OPCML: variants seen among roughly 807,000 people sequenced by gnomAD.
OPCML encodes the protein opioid-binding protein/cell adhesion molecule.
In OPCML, 13 loss-of-function variants were observed where a neutral mutation model predicts 37.8. That is an observed-to-expected ratio of 0.34 (90% CI 0.22 to 0.55). The LOEUF (loss-of-function observed/expected upper bound fraction) is 0.55, where lower values mean the gene tolerates loss of function less well. OPCML is among the 20% of genes least tolerant of loss of function. The pLI is 0.91. For missense variants in OPCML, 341 were observed against 435.6 expected, an observed-to-expected ratio of 0.78 and a Z score of 1.93; for synonymous variants, 176 against 168.8, an observed-to-expected ratio of 1.04 and a Z score of -0.33.
chr11:133,524,487 T>C (rs1449280345), intron 1 of OPCML, among the ~76,000 whole-genome samples: 1 of 152,214 alleles, frequency 6.6e-6, no homozygotes, highest in African/African-American at 2.4e-5. Flanking sequence ...GTTAGCACCA[T>C]GGGCCTGACT....
intron 3 of OPCML, among the ~76,000 whole-genome samples, chr11:132,603,165 G>C (rs1344524632): frequency 1.3e-5 from 2 of 152,102 alleles, no homozygotes; most frequent in Non-Finnish European, 2.9e-5. Flanking sequence ...TCCTAAATCT[G>C]TATGTCCAGC....
chr11:133,250,636 G>C (rs1941100456), intron 1 of OPCML, among the ~76,000 whole-genome samples: 1 of 152,150 alleles, frequency 6.6e-6, no homozygotes, highest in Admixed American at 6.5e-5. Context: ...GTGACAATGA[G>C]TGAAGAGAGT....
intron 2 of OPCML, among the ~76,000 whole-genome samples, chr11:132,787,872 G>A (rs1404686000): frequency 6.6e-6 from 1 of 152,046 alleles, no homozygotes; most frequent in Non-Finnish European, 1.5e-5. Flanking sequence ...CACATTTCCA[G>A]TTAATGATTT....
At chr11:132,780,331 G>A (rs1946962220) in intron 2 of OPCML, among the ~76,000 whole-genome samples, 1 of 152,238 alleles carries the variant, frequency 6.6e-6, no homozygotes, top group South Asian at 2.1e-4. Context: ...CGCATCAGTA[G>A]TGCCAACGGT....
chr11:133,025,936 T>C lies in OPCML; in HGVS notation c.62-82926A>G, dbSNP rs545279510. On this transcript the variant is annotated intron_variant, in intron 1 of 7. Transcript: ENST00000524381. ...TTTTGGTAGAGATGGGGTTTCACCA[T>C]GTTGGCCAGCGTGGTCTCGAACTCC... 22 of 297,040 alleles carry C rather than the reference T, an allele frequency of 7.4e-5. No homozygotes were observed. In the Admixed American group the frequency reaches 8.4e-4, roughly 11 times the overall value. 18.4% of individuals were successfully genotyped at this position (297,040 alleles called of 1,614,324 possible). A position where few individuals can be genotyped will look rare whatever the true frequency, so the allele number is the denominator to read the frequency against.
chr11:132,557,422 G>A (rs10894578), intron 3 of OPCML, among the ~76,000 whole-genome samples: 99,389 of 152,072 alleles, frequency 0.65, 33,152 homozygotes, highest in East Asian at 0.85. Context: ...GCAGTTGGAA[G>A]GGGAGAAGCC....
intron 3 of OPCML, among the ~76,000 whole-genome samples, chr11:132,641,298 G>A (rs959938828): frequency 1.3e-5 from 2 of 152,294 alleles, no homozygotes; most frequent in Middle Eastern, 6.8e-3. Context: ...TTGAGGAAAG[G>A]CACTGAGAGG....
chr11:133,233,326 C>T (rs555536270), intron 1 of OPCML, among the ~76,000 whole-genome samples: 1 of 152,060 alleles, frequency 6.6e-6, no homozygotes, highest in African/African-American at 2.4e-5. Context: ...CTGAAGGAAA[C>T]TGGGAAACAT....
At chr11:133,093,242 C>A (rs757245586) in intron 1 of OPCML, among the ~76,000 whole-genome samples, 1 of 151,402 alleles carries the variant, frequency 6.6e-6, no homozygotes, top group South Asian at 2.1e-4. Flanking sequence ...CTTTCCCCTG[C>A]GTCCCCCAAA....
chr11:133,057,948 A>G (rs1427120295), intron 1 of OPCML, among the ~76,000 whole-genome samples: 1 of 152,238 alleles, frequency 6.6e-6, no homozygotes, highest in Non-Finnish European at 1.5e-5. Context: ...TTTAGAACAC[A>G]TCATAATATA....
intron 1 of OPCML, among the ~76,000 whole-genome samples, chr11:133,264,850 CTAAG>C (rs1182516770): frequency 6.6e-6 from 1 of 152,008 alleles, no homozygotes; most frequent in East Asian, 1.9e-4. Context: ...ATTAAATAAA[CTAAG>C]TACTTTCGGA....
chr11:132,439,028 G>A lies in OPCML; in HGVS notation c.506-1669C>T, dbSNP rs758437982. On this transcript the variant is annotated intron_variant, in intron 4 of 7. Transcript: ENST00000524381. ...AGAAATGTCACTGCAAATCAGCACC[G>A]TTCTGTTAGTCCAATCTGTGCAATT... Among the ~76,000 whole-genome samples the A allele has an allele frequency of 1.4e-4, 21 of 152,260 alleles. No homozygotes were observed. In the South Asian group the frequency reaches 1.7e-3, roughly 12 times the overall value.
rs534137173 is a variant in OPCML, at chr11:132,805,797, G to T, written c.146+137129C>A. Among the ~76,000 whole-genome samples, 3 of 152,188 alleles carry T rather than the reference G, an allele frequency of 2.0e-5. No homozygotes were observed. In the South Asian group the frequency reaches 6.2e-4, roughly 31 times the overall value. ...GATATTTCTCAATTCAAAGGAAAATGATGCCAGATGGAAACTCAGATCTAT... is the reference window on the plus strand; with the variant it reads ...GATATTTCTCAATTCAAAGGAAAATTATGCCAGATGGAAACTCAGATCTAT... On this transcript the variant is annotated intron_variant, in intron 2 of 7. Coordinates refer to ENST00000524381, the MANE Select transcript of OPCML (RefSeq NM_001012393.5).
intron 2 of OPCML, among the ~76,000 whole-genome samples, chr11:132,815,910 A>G (rs761384000): frequency 1.2e-4 from 18 of 152,248 alleles, no homozygotes; most frequent in Non-Finnish European, 1.6e-4. Context: ...AGAGATGTGC[A>G]CAAGGAAGAT....
At chr11:133,217,063 C>A (rs1438107692) in intron 1 of OPCML, among the ~76,000 whole-genome samples, 1 of 152,054 alleles carries the variant, frequency 6.6e-6, no homozygotes, top group Admixed American at 6.6e-5. Flanking sequence ...GTTTTCCACC[C>A]AAGTCAACTG....
At chr11:132,828,439 T>G (rs776010893) in intron 2 of OPCML, among the ~76,000 whole-genome samples, 5 of 152,132 alleles carry the variant, frequency 3.3e-5, no homozygotes, top group African/African-American at 4.8e-5. Flanking sequence ...CTGTAACAAA[T>G]GAACCATACC....
intron 2 of OPCML, among the ~76,000 whole-genome samples, chr11:132,674,814 C>T (rs577259444): frequency 6.6e-6 from 1 of 152,184 alleles, no homozygotes; most frequent in Admixed American, 6.5e-5. Context: ...TTGCAATATC[C>T]CTCTCTAAGG....
chr11:132,790,254 G>A (rs1330172439), intron 2 of OPCML, among the ~76,000 whole-genome samples: 2 of 152,156 alleles, frequency 1.3e-5, no homozygotes, highest in Admixed American at 6.5e-5. Context: ...TAATGGGTAC[G>A]AGCTTACAGT....
At chr11:132,946,583 C>G (rs550489269) in intron 1 of OPCML, among the ~76,000 whole-genome samples, 1 of 152,280 alleles carries the variant, frequency 6.6e-6, no homozygotes, top group East Asian at 1.9e-4. Flanking sequence ...CTTTTCTATA[C>G]CACTGTCATA....
Sources: allele counts gnomAD v4.1 joint callset (sites outside exome capture counted in the v4.1 genomes callset), GRCh38; gene constraint gnomAD v4.1.1; transcripts MANE v1.5; gene names NCBI Gene and HGNC (gene_info 2026-07-23, HGNC 2026-07-21).